The following ZMPSTE24 variants were observed in gnomAD, a reference collection of about 807,000 sequenced individuals.
ZMPSTE24 encodes the protein zinc metallopeptidase STE24, also known as CAAX prenyl protease 1 homolog.
A neutral mutation model predicts 56.7 loss-of-function variants in ZMPSTE24; 48 were observed. The ratio of observed to expected loss-of-function variants is 0.85; its 90% CI spans 0.67 to 1.08. The LOEUF is 1.08. ZMPSTE24 is among the 50% of genes least tolerant of loss of function. The probability of loss-of-function intolerance (pLI) is 0.00; values close to 1 mark genes in which losing one functional copy is unlikely to be tolerated. For synonymous variants in ZMPSTE24, 172 were observed against 195.2 expected (o/e 0.88, Z 0.99); for missense variants, 503 against 548.7 (o/e 0.92, Z 0.83).
intron 2 of ZMPSTE24, among the ~76,000 whole-genome samples, chr1:40,263,418 G>A (rs533412325): frequency 6.6e-6 from 1 of 152,248 alleles, no homozygotes; most frequent in South Asian, 2.1e-4. Context: ...TAAATTAAAG[G>A]GTTTGCATGT....
At position 40,292,742 on chromosome 1, in the gene ZMPSTE24, T is replaced by A; in HGVS notation, c.*73T>A. Reference sequence around the variant, plus strand: ...GGCAGCATGTTCCAGCTCTTGATGTTTTTAAACTTTTTTTTAGAAGAAAAA... The same window carrying A: ...GGCAGCATGTTCCAGCTCTTGATGTATTTAAACTTTTTTTTAGAAGAAAAA... On this transcript the variant is annotated 3_prime_UTR_variant, in exon 10 of 10. Coordinates refer to ENST00000372759, the MANE Select transcript of ZMPSTE24 (RefSeq NM_005857.5). 1 of 1,441,672 alleles carries A rather than the reference T, an allele frequency of 6.9e-7. No homozygotes were observed. Among genetic ancestry groups the A allele is most frequent in the South Asian group, 1.2e-5 (1 of 82,284 alleles). The allele number at this position is 1,441,672 out of a possible 1,614,324, so 89.3% of individuals were successfully genotyped here.
At chr1:40,259,305 TTTTA>T (rs998360082) in intron 1 of ZMPSTE24, 30 of 152,104 alleles carry the variant, frequency 2.0e-4, no homozygotes, top group African/African-American at 6.8e-4. Context: ...AGATCTGAAC[TTTTA>T]TTTATTTATT....
At position 40,258,945 on chromosome 1, in the gene ZMPSTE24, G is replaced by A. The variant is rs574927739; in HGVS notation, c.123+551G>A. Among the ~76,000 whole-genome samples, 8 of 152,204 alleles carry A rather than the reference G, an allele frequency of 5.3e-5. No individual in the cohort carries two copies. The South Asian group carries it at 1.7e-3, about 32-fold the overall frequency. On this transcript the variant is annotated intron_variant, in intron 1 of 9. Transcript: ENST00000372759. Reference sequence around the variant, plus strand: ...GGCCGAGGCGGGCGGATCACCTGGGGTCAGGAGTTCGAGACCAGCCTGACC... The same window carrying A: ...GGCCGAGGCGGGCGGATCACCTGGGATCAGGAGTTCGAGACCAGCCTGACC...
chr1:40,270,446 C>T lies in ZMPSTE24; in HGVS notation c.627+319C>T, dbSNP rs867926459. ...ACTAAGTGTGATAATTTAATGACTC[C>T]TGACTGACCTCCACTGCCTAAAATC... On this transcript the variant is annotated intron_variant, in intron 5 of 9. Coordinates refer to ENST00000372759, the MANE Select transcript of ZMPSTE24 (RefSeq NM_005857.5). Among the ~76,000 whole-genome samples the T allele has an allele frequency of 2.6e-5, 4 of 152,160 alleles. No individual in the cohort carries two copies. The South Asian group carries it at 8.3e-4, about 32-fold the overall frequency.
chr1:40,286,595 AT>A (rs1159202132), intron 8 of ZMPSTE24, among the ~76,000 whole-genome samples: 1 of 150,388 alleles, frequency 6.6e-6, no homozygotes, highest in African/African-American at 2.5e-5. Flanking sequence ...TAATTTTTGT[AT>A]TTTTAGTAGA....
At chr1:40,260,108 T>C (rs1643481131) in intron 1 of ZMPSTE24, among the ~76,000 whole-genome samples, 1 of 137,690 alleles carries the variant, frequency 7.3e-6, no homozygotes, top group African/African-American at 2.8e-5. Flanking sequence ...TCACCCAGGG[T>C]GTAGTGCTGT....
At chr1:40,283,336 C>G (rs1179605739) in intron 7 of ZMPSTE24, among the ~76,000 whole-genome samples, 1 of 151,922 alleles carries the variant, frequency 6.6e-6, no homozygotes, top group African/African-American at 2.4e-5. Flanking sequence ...AAACCCCTGT[C>G]TCTACAAAAA....
At position 40,258,351 on chromosome 1, in the gene ZMPSTE24, C is replaced by T. The variant is rs376928686; in HGVS notation, c.80C>T (p.Ser27Phe). 3.8e-5 allele frequency: 61 copies of T among 1,614,072 alleles called. No individual in the cohort carries two copies. The highest frequency in any genetic ancestry group is 5.0e-5 in the Non-Finnish European group (59 of 1,180,040). The change falls in exon 1 of 10, where the codon TCC (serine) becomes TTC (phenylalanine). Residue 27 changes from serine (S) to phenylalanine (F), a missense_variant. Coordinates refer to ENST00000372759, the MANE Select transcript of ZMPSTE24 (RefSeq NM_005857.5). Reference sequence around the variant, plus strand: ...ATCTTCGGGGCCGTGCTGCTCTTTTCCTGGACAGTGTATCTTTGGGAGACC... The same window carrying T: ...ATCTTCGGGGCCGTGCTGCTCTTTTTCTGGACAGTGTATCTTTGGGAGACC... Reference protein sequence around the residue: ...KRIFGAVLLFSWTVYLWETFL... With the variant: ...KRIFGAVLLFFWTVYLWETFL...
At chr1:40,261,141 A>G (rs886492038) in intron 2 of ZMPSTE24, among the ~76,000 whole-genome samples, 156 bp downstream of exon 2, 1 of 152,260 alleles carries the variant, frequency 6.6e-6, no homozygotes, top group African/African-American at 2.4e-5. Context: ...AGACAGAAAC[A>G]TAACTGCTTA....
chr1:40,270,282 C>A lies in ZMPSTE24; in HGVS notation c.627+155C>A, dbSNP rs376856054. Among the ~76,000 whole-genome samples the A allele has an allele frequency of 7.9e-5, 12 of 152,298 alleles. 1 individual carries two copies. The highest frequency in any genetic ancestry group is 3.9e-4 in the East Asian group (2 of 5,186). On this transcript the variant is annotated intron_variant, in intron 5 of 9. Coordinates refer to ENST00000372759, the MANE Select transcript of ZMPSTE24 (RefSeq NM_005857.5). ...CTTGGTTTCTGCTTTTGATTGTAGACACAGGAGTATTGACTGACCATAAAT... is the reference window on the plus strand; with the variant it reads ...CTTGGTTTCTGCTTTTGATTGTAGAAACAGGAGTATTGACTGACCATAAAT...
chr1:40,259,870 A>G (rs1241981728), intron 1 of ZMPSTE24, among the ~76,000 whole-genome samples: 1 of 152,036 alleles, frequency 6.6e-6, no homozygotes, highest in Non-Finnish European at 1.5e-5. Context: ...AAGGGCTGGG[A>G]TTACAGGCAT....
chr1:40,268,313 T>C, intron 3 of ZMPSTE24, 106 bp from the exon 4 acceptor site: 1 of 803,840 alleles, frequency 1.2e-6, no homozygotes, highest in African/African-American at 1.7e-5. Context: ...ATCCATAGAA[T>C]CAAGCATATT....
At chr1:40,292,362 T>G (rs1237961453) in intron 9 of ZMPSTE24, 83 bp from the exon 10 acceptor site, 27 of 1,372,032 alleles carry the variant, frequency 2.0e-5, no homozygotes, top group Admixed American at 5.2e-5. Flanking sequence ...CAAGCCAAAC[T>G]TCTCTACAGT....
intron 7 of ZMPSTE24, among the ~76,000 whole-genome samples, chr1:40,283,049 A>G (rs1643746063): frequency 2.6e-5 from 4 of 152,260 alleles, no homozygotes; most frequent in Admixed American, 2.6e-4. Flanking sequence ...CACTAAAAAC[A>G]GGTTCTAGTA....
At chr1:40,281,582 G>GT in intron 7 of ZMPSTE24, 55 bp downstream of exon 7, 1 of 1,555,194 alleles carries the variant, frequency 6.4e-7, no homozygotes, top group Non-Finnish European at 8.8e-7. Context: ...CAGTTCCTGT[G>GT]ACAACTCAAA....
chr1:40,259,830 CTCAAG>C (rs943072178), intron 1 of ZMPSTE24, among the ~76,000 whole-genome samples: 5 of 151,912 alleles, frequency 3.3e-5, no homozygotes, highest in African/African-American at 1.2e-4. Context: ...AGTTCCTGGA[CTCAAG>C]TCATCTTGCC....
In ZMPSTE24 at chr1:40,292,826, TA is replaced by T; in HGVS notation, c.*159del. 1.7e-6 allele frequency: 1 copy of T among 605,366 alleles called. No individual in the cohort carries two copies. The allele number at this position is 605,366 out of a possible 1,614,324, so 37.5% of individuals were successfully genotyped here. A position where few individuals can be genotyped will look rare whatever the true frequency, so the allele number is the denominator to read the frequency against. On this transcript the variant is annotated 3_prime_UTR_variant, in exon 10 of 10. Coordinates refer to ENST00000372759, the MANE Select transcript of ZMPSTE24 (RefSeq NM_005857.5). ...TAATATGTCATTTTAAAAATGATTT[TA>T]ATAATTCATTTCTTAAAACACTGAA...
chr1:40,264,140 C>G (rs1214806629), intron 2 of ZMPSTE24, among the ~76,000 whole-genome samples: 3 of 152,088 alleles, frequency 2.0e-5, no homozygotes. Flanking sequence ...TTGAGACCAG[C>G]CTGACCAACA....
chr1:40,263,826 A>G (rs1371144486), intron 2 of ZMPSTE24, among the ~76,000 whole-genome samples: 2 of 150,980 alleles, frequency 1.3e-5, no homozygotes, highest in Non-Finnish European at 2.9e-5. Context: ...GTTCACATAA[A>G]TATGACACTG....
Sources: gnomAD v4.1 joint callset for allele counts (sites outside exome capture counted in the v4.1 genomes callset) on GRCh38, gnomAD v4.1.1 for gene constraint, MANE v1.5 for transcripts, NCBI Gene and HGNC (gene_info 2026-07-23, HGNC 2026-07-21) for gene names.